Variants in RPH3A observed in about 807,000 individuals in gnomAD.
The protein encoded by RPH3A is rabphilin-3A.
In RPH3A, 48 loss-of-function variants were observed where a neutral mutation model predicts 102.2. The ratio of observed to expected loss-of-function variants is 0.47; its 90% CI spans 0.37 to 0.60. The LOEUF (loss-of-function observed/expected upper bound fraction) is 0.60. RPH3A is among the 20% of genes least tolerant of loss of function. The probability of loss-of-function intolerance (pLI) is 0.00; values close to 1 mark genes in which losing one functional copy is unlikely to be tolerated. For synonymous variants in RPH3A, 310 were observed against 324.3 expected, an observed-to-expected ratio of 0.96 and a Z score of 0.47; for missense variants, 781 against 910.1, an observed-to-expected ratio of 0.86 and a Z score of 1.83.
intron 1 of RPH3A, among the ~76,000 whole-genome samples, chr12:112,685,470 T>C (rs1378272833): frequency 6.6e-6 from 1 of 152,166 alleles, no homozygotes; most frequent in African/African-American, 2.4e-5. Context: ...GAAAGGAAGG[T>C]GACAGATGGG....
intron 1 of RPH3A, among the ~76,000 whole-genome samples, chr12:112,589,343 C>G (rs1028138731): frequency 3.9e-5 from 6 of 152,162 alleles, no homozygotes; most frequent in Non-Finnish European, 7.3e-5. Context: ...ATTTAACTCC[C>G]CATCCCTAGT....
At chr12:112,793,013 C>G (rs2041154841) in intron 2 of RPH3A, among the ~76,000 whole-genome samples, 1 of 152,136 alleles carries the variant, frequency 6.6e-6, no homozygotes, top group Admixed American at 6.5e-5. Context: ...TTGAGTTCAT[C>G]TCAGAAGGAA....
intron 1 of RPH3A, among the ~76,000 whole-genome samples, chr12:112,590,640 A>G (rs1482477028): frequency 6.6e-6 from 1 of 152,212 alleles, no homozygotes; most frequent in Non-Finnish European, 1.5e-5. Context: ...ATGAATTTGA[A>G]TGGCAGTTAT....
intron 1 of RPH3A, among the ~76,000 whole-genome samples, chr12:112,712,872 AC>A (rs1565856588): frequency 2.1e-5 from 3 of 144,624 alleles, no homozygotes; most frequent in African/African-American, 8.2e-5. Flanking sequence ...CACCCAGCTC[AC>A]TTTTTTTTCT....
intron 5 of RPH3A, among the ~76,000 whole-genome samples, chr12:112,861,989 G>C (rs920424001): frequency 2.8e-5 from 4 of 144,974 alleles, no homozygotes; most frequent in Non-Finnish European, 4.5e-5. Context: ...CTCCAGCCTG[G>C]GTGACAGAGC....
At chr12:112,861,798 G>A (rs2042517646) in intron 5 of RPH3A, among the ~76,000 whole-genome samples, 1 of 152,164 alleles carries the variant, frequency 6.6e-6, no homozygotes, top group African/African-American at 2.4e-5. Context: ...CAGATCATGA[G>A]GTCAGGAGAT....
chr12:112,644,507 C>T (rs1046748486), intron 1 of RPH3A, among the ~76,000 whole-genome samples: 3 of 152,082 alleles, frequency 2.0e-5, no homozygotes, highest in Non-Finnish European at 4.4e-5. Flanking sequence ...TGCAAATGAG[C>T]CAAAAGAAAC....
At chr12:112,659,526 T>C (rs1348369716) in intron 1 of RPH3A, among the ~76,000 whole-genome samples, 2 of 152,238 alleles carry the variant, frequency 1.3e-5, no homozygotes, top group African/African-American at 2.4e-5. Flanking sequence ...GCACATGATT[T>C]TGATCTGTCT....
At position 112,791,902 on chromosome 12, in the gene RPH3A, G is replaced by GAGAGAGAGAGAGAGAGAGAGAGAC. The variant is rs1372107619; in HGVS notation, c.-247_-246insGAGAGAGAGAGAGAGAGAGACAGA. ...AGAGAGAGAGAGAGAGAGAGAGAGA[G>GAGAGAGAGAGAGAGAGAGAGAGAC]AGACTCACAGAGCTAAAACCTTCAT... is the stretch of plus-strand genomic sequence containing the variant. On this transcript the variant is annotated 5_prime_UTR_variant, in exon 1 of 22. Transcript: ENST00000389385. 2 of 150,878 alleles carry GAGAGAGAGAGAGAGAGAGAGAGAC rather than the reference G, an allele frequency of 1.3e-5. No homozygotes were observed. The highest frequency in any genetic ancestry group is 4.9e-5 in the African/African-American group (2 of 40,566). 9.3% of individuals were successfully genotyped at this position (150,878 alleles called of 1,614,324 possible). A position where few individuals can be genotyped will look rare whatever the true frequency, so the allele number is the denominator to read the frequency against.
chr12:112,584,668 C>A (rs1422960931), intron 1 of RPH3A, among the ~76,000 whole-genome samples: 1 of 152,160 alleles, frequency 6.6e-6, no homozygotes, highest in Non-Finnish European at 1.5e-5. Flanking sequence ...AGAGCTCCTG[C>A]AGTTGTTATT....
chr12:112,660,388 G>C (rs1347377047), intron 1 of RPH3A, among the ~76,000 whole-genome samples: 1 of 151,994 alleles, frequency 6.6e-6, no homozygotes, highest in Non-Finnish European at 1.5e-5. Context: ...TCCTATATGT[G>C]AACAGTCTGC....
chr12:112,707,232 T>A (rs2040432492), intron 1 of RPH3A, among the ~76,000 whole-genome samples: 1 of 152,208 alleles, frequency 6.6e-6, no homozygotes, highest in African/African-American at 2.4e-5. Flanking sequence ...TTGTCACTCA[T>A]TAGCTGTGTG....
chr12:112,688,821 C>A (rs554877569), intron 1 of RPH3A, among the ~76,000 whole-genome samples: 18 of 152,338 alleles, frequency 1.2e-4, no homozygotes, highest in African/African-American at 4.3e-4. Flanking sequence ...ATCTCTCCAT[C>A]TTTTCTTAGT....
chr12:112,735,578 C>T (rs763722616), intron 1 of RPH3A, among the ~76,000 whole-genome samples: 9 of 152,152 alleles, frequency 5.9e-5, no homozygotes, highest in East Asian at 3.9e-4. Context: ...GCCATGTCAG[C>T]GGAGGCTAAT....
intron 5 of RPH3A, among the ~76,000 whole-genome samples, chr12:112,857,941 C>G (rs1277107043): frequency 6.6e-6 from 1 of 152,134 alleles, no homozygotes; most frequent in African/African-American, 2.4e-5. Flanking sequence ...CTGCACTGAG[C>G]CTCCCAAGGG....
chr12:112,892,009 T>G (rs1358793694), intron 19 of RPH3A, among the ~76,000 whole-genome samples: 1 of 152,232 alleles, frequency 6.6e-6, no homozygotes, highest in Non-Finnish European at 1.5e-5. Flanking sequence ...AGAGTTCCAC[T>G]TATCTCCAAG....
chr12:112,605,945 C>T (rs2135971298), intron 1 of RPH3A, among the ~76,000 whole-genome samples: 1 of 152,322 alleles, frequency 6.6e-6, no homozygotes, highest in East Asian at 1.9e-4. Context: ...TATAACTCTT[C>T]CTAACTCTCC....
intron 16 of RPH3A, 109 bp downstream of exon 16, chr12:112,883,511 A>C: frequency 1.4e-6 from 1 of 712,478 alleles, no homozygotes; most frequent in Non-Finnish European, 2.4e-6. Context: ...AGATCTCTAC[A>C]TAGTTTATTT....
intron 14 of RPH3A, among the ~76,000 whole-genome samples, chr12:112,880,028 C>T (rs1327478191): frequency 6.6e-6 from 1 of 152,156 alleles, no homozygotes; most frequent in Non-Finnish European, 1.5e-5. Context: ...CCTGTTGCCT[C>T]GCTATAATAA....
Sources: gnomAD v4.1 joint callset for allele counts (sites outside exome capture counted in the v4.1 genomes callset) on GRCh38, gnomAD v4.1.1 for gene constraint, MANE v1.5 for transcripts, NCBI Gene and HGNC (gene_info 2026-07-23, HGNC 2026-07-21) for gene names.